Variants in EFR3B observed in about 807,000 individuals in gnomAD.
EFR3B encodes the protein protein EFR3 homolog B.
In EFR3B, 64 loss-of-function variants were observed where a neutral mutation model predicts 104.7. The observed-to-expected ratio is 0.61, with a 90% CI of 0.50 to 0.75. EFR3B has a LOEUF of 0.75. Ranked by LOEUF, EFR3B falls within the 30% of genes least tolerant of loss-of-function variation. The pLI, the probability that EFR3B is intolerant of heterozygous loss-of-function variation, is 0.00. For missense variants in EFR3B, 750 were observed against 1,078.5 expected (o/e 0.70, Z 4.27); for synonymous variants, 385 against 417.9 (o/e 0.92, Z 0.96).
chr2:25,126,913 G>C (rs1294370115), intron 5 of EFR3B, among the ~76,000 whole-genome samples: 1 of 151,712 alleles, frequency 6.6e-6, no homozygotes, highest in South Asian at 2.1e-4. Flanking sequence ...GAAACGTTTG[G>C]CCAGGCACGG....
intron 19 of EFR3B, chr2:25,147,148 A>T (rs1363543288): frequency 6.6e-6 from 1 of 152,180 alleles, no homozygotes; most frequent in African/African-American, 2.4e-5. Context: ...CAGTTTCCTC[A>T]TAAACTTCTC....
intron 1 of EFR3B, chr2:25,081,618 G>A (rs1668808836): frequency 5.3e-6 from 4 of 748,832 alleles, no homozygotes; most frequent in Admixed American, 3.9e-5. Context: ...TGGCCCGCAG[G>A]GCTGTCCAGA....
intron 4 of EFR3B, among the ~76,000 whole-genome samples, chr2:25,115,137 C>T (rs543453290): frequency 2.0e-5 from 3 of 152,244 alleles, no homozygotes; most frequent in South Asian, 2.1e-4. Flanking sequence ...GCCGTGATCA[C>T]GCCTCTGCAC....
In EFR3B at chr2:25,131,935, G is replaced by C. The variant is rs1289836926; in HGVS notation, c.1147+24G>C. ...GGGTGCGGCGCGGGGCCGGGCCGGG[G>C]CGGGGCGGGGCCGAGGCGCGGAGTG... On this transcript the variant is annotated intron_variant, in intron 10 of 22. Coordinates refer to ENST00000403714, the MANE Select transcript of EFR3B (RefSeq NM_014971.2). This position sits in a 1 kb window ranked among gnomAD's most constrained non-coding sequence, Gnocchi z 7.6. The C allele has an allele frequency of 5.5e-6, 8 of 1,452,178 alleles. No individual in the cohort carries two copies. The highest frequency in any genetic ancestry group is 2.7e-5 in the East Asian group (1 of 37,074). The allele number at this position is 1,452,178 out of a possible 1,614,324, so 90.0% of individuals were successfully genotyped here.
At position 25,131,689 on chromosome 2, in the gene EFR3B, G is replaced by T; in HGVS notation, c.986-61G>T. On this transcript the variant is annotated intron_variant, in intron 9 of 22. Coordinates refer to ENST00000403714, the MANE Select transcript of EFR3B (RefSeq NM_014971.2). The surrounding 1 kb of genome is among the most constrained non-coding windows in gnomAD (Gnocchi z 7.6). ...GCGTGACCCTGCCCTGCCTGCGCGC[G>T]GTGCACAGAGGAGGAGGGTGCCAGC... The T allele has an allele frequency of 6.8e-7, 1 of 1,476,196 alleles. No individual in the cohort carries two copies. The highest frequency in any genetic ancestry group is 1.4e-5 in the South Asian group (1 of 72,112). The allele number at this position is 1,476,196 out of a possible 1,614,324, so 91.4% of individuals were successfully genotyped here.
intron 16 of EFR3B, 24 bp from the exon 17 acceptor site, chr2:25,141,342 T>C: frequency 1.3e-6 from 2 of 1,550,560 alleles, no homozygotes; most frequent in Non-Finnish European, 1.7e-6. Context: ...AACCAGCTCT[T>C]ATCTGATTCC....
Position 25,137,249 on chromosome 2 carries a change from G to T in EFR3B, c.1561-92G>T. 1 of 1,421,022 alleles carries T rather than the reference G, an allele frequency of 7.0e-7. No individual in the cohort carries two copies. The highest frequency in any genetic ancestry group is 1.4e-5 in the South Asian group (1 of 73,854). 88.0% of individuals were successfully genotyped at this position (1,421,022 alleles called of 1,614,324 possible). Reference sequence around the variant, plus strand: ...GGAGGAGGGGGCACACAGCCATCCTGCCCCCCTTCAGATTGGTCTTCCTCC... The same window carrying T: ...GGAGGAGGGGGCACACAGCCATCCTTCCCCCCTTCAGATTGGTCTTCCTCC... On this transcript the variant is annotated intron_variant, in intron 14 of 22. Coordinates refer to ENST00000403714, the MANE Select transcript of EFR3B (RefSeq NM_014971.2). This position sits in a 1 kb window ranked among gnomAD's most constrained non-coding sequence, Gnocchi z 4.7.
chr2:25,080,311 T>TTTTTTTTTTTTTTTTTTTTTTTTTTA (rs1668763108), intron 1 of EFR3B: 1 of 731,296 alleles, frequency 1.4e-6, no homozygotes, highest in Non-Finnish European at 2.1e-6. Context: ...TTTTTTTTTT[T>TTTTTTTTTTTTTTTTTTTTTTTTTTA]GAGATGGAGT....
At chr2:25,085,416 G>A (rs963444420) in intron 1 of EFR3B, among the ~76,000 whole-genome samples, 1 of 152,046 alleles carries the variant, frequency 6.6e-6, no homozygotes, top group African/African-American at 2.4e-5. Context: ...TTTAAAGTAG[G>A]TAATAAATGT....
intron 5 of EFR3B, among the ~76,000 whole-genome samples, chr2:25,124,575 A>G (rs1030765269): frequency 2.0e-5 from 3 of 151,764 alleles, no homozygotes; most frequent in Admixed American, 6.6e-5. Context: ...AGTCTCTACT[A>G]AAAATACAAA....
chr2:25,068,750 C>T (rs1317025000), intron 1 of EFR3B, among the ~76,000 whole-genome samples: 1 of 151,286 alleles, frequency 6.6e-6, no homozygotes, highest in Admixed American at 6.6e-5. Context: ...CTGCCTTAGC[C>T]TCCAGAGTAG....
intron 4 of EFR3B, among the ~76,000 whole-genome samples, chr2:25,119,281 C>CA (rs1669950807): frequency 6.6e-6 from 1 of 152,246 alleles, no homozygotes; most frequent in Non-Finnish European, 1.5e-5. Flanking sequence ...CCTCCTAATG[C>CA]AGAGCTAGAT....
chr2:25,125,173 C>T (rs1052363005), intron 5 of EFR3B, among the ~76,000 whole-genome samples: 4 of 152,154 alleles, frequency 2.6e-5, no homozygotes, highest in African/African-American at 4.8e-5. Context: ...CAGAATGAAT[C>T]GTGCATTTGT....
Position 25,136,477 on chromosome 2 carries a change from C to G in EFR3B, c.1485-46C>G. 6.7e-7 allele frequency: 1 copy of G among 1,484,080 alleles called. No individual in the cohort carries two copies. Among genetic ancestry groups the G allele is most frequent in the Non-Finnish European group, 9.2e-7 (1 of 1,086,768 alleles). 91.9% of individuals were successfully genotyped at this position (1,484,080 alleles called of 1,614,324 possible). ...CTCAGTGACCCCGTGTGAGCTCAGG[C>G]TGGCCTCATGCAAGGGCTAAGGAGG... On this transcript the variant is annotated intron_variant, in intron 13 of 22. Transcript: ENST00000403714. The surrounding 1 kb of genome is among the most constrained non-coding windows in gnomAD (Gnocchi z 4.0).
At chr2:25,118,062 C>T (rs1389130883) in intron 4 of EFR3B, among the ~76,000 whole-genome samples, 2 of 152,212 alleles carry the variant, frequency 1.3e-5, no homozygotes. Context: ...TTACTACAAC[C>T]TCTGCCTCCT....
chr2:25,044,231 C>T (rs1474328241), intron 1 of EFR3B, among the ~76,000 whole-genome samples: 2 of 152,190 alleles, frequency 1.3e-5, no homozygotes, highest in African/African-American at 4.8e-5. Flanking sequence ...GAAAGTCACA[C>T]CAAGCTTGGG....
chr2:25,123,301 A>G (rs1378197406), intron 5 of EFR3B, among the ~76,000 whole-genome samples: 2 of 151,724 alleles, frequency 1.3e-5, no homozygotes, highest in African/African-American at 4.8e-5. Context: ...TCGAGGCTGC[A>G]GTGAGCCATG....
At chr2:25,117,001 C>A (rs1043497098) in intron 4 of EFR3B, among the ~76,000 whole-genome samples, 71 of 152,214 alleles carry the variant, frequency 4.7e-4, no homozygotes, top group African/African-American at 1.6e-3. Context: ...AGACGCTGGC[C>A]GTGAGCAGCT....
chr2:25,101,471 T>A (rs1669429919), intron 3 of EFR3B, among the ~76,000 whole-genome samples: 1 of 152,110 alleles, frequency 6.6e-6, no homozygotes, highest in African/African-American at 2.4e-5. Flanking sequence ...CACTTCAGCC[T>A]TTGAGTAGCT....
Sources: allele counts gnomAD v4.1 joint callset (sites outside exome capture counted in the v4.1 genomes callset), GRCh38; gene constraint gnomAD v4.1.1; non-coding constraint Gnocchi (gnomAD v3.1); transcripts MANE v1.5; gene names NCBI Gene and HGNC (gene_info 2026-07-23, HGNC 2026-07-21).